Variants in SYNPR observed in about 807,000 individuals in gnomAD.
SYNPR encodes the protein synaptoporin.
In SYNPR, 23 loss-of-function variants were observed where a neutral mutation model predicts 32.9. The ratio of observed to expected loss-of-function variants is 0.70; its 90% CI spans 0.50 to 0.99. The LOEUF (loss-of-function observed/expected upper bound fraction) is 0.99, where lower values mean the gene tolerates loss of function less well. SYNPR is among the 50% of genes least tolerant of loss of function. The probability of loss-of-function intolerance (pLI) is 0.00; values close to 1 mark genes in which losing one functional copy is unlikely to be tolerated. For synonymous variants in SYNPR, 146 were observed against 135.9 expected (o/e 1.07, Z -0.52); for missense variants, 318 against 349.3 (o/e 0.91, Z 0.71).
rs570025090 is a variant in SYNPR, at chr3:63,576,488, G to A, written c.408+19747G>A. 1.4e-4 allele frequency among the ~76,000 whole-genome samples: 22 copies of A among 151,962 alleles called. 1 individual carries two copies. Among genetic ancestry groups the A allele is most frequent in the Non-Finnish European group, 2.6e-4 (18 of 67,994 alleles). On this transcript the variant is annotated intron_variant, in intron 4 of 5. Transcript: ENST00000478300. ...GTCAAGCCAGTCCACAGTTTTCCAT[G>A]CATAGAAAACACGTTATCTGGGGCT... is the stretch of plus-strand genomic sequence containing the variant.
intron 2 of SYNPR, among the ~76,000 whole-genome samples, chr3:63,339,882 C>T (rs2087341810): frequency 6.6e-6 from 1 of 152,130 alleles, no homozygotes; most frequent in Non-Finnish European, 1.5e-5. Context: ...GTCTCGAACT[C>T]CTGACCTCAG....
chr3:63,327,331 A>G (rs1297104414), intron 2 of SYNPR, among the ~76,000 whole-genome samples: 1 of 152,138 alleles, frequency 6.6e-6, no homozygotes, highest in Non-Finnish European at 1.5e-5. Context: ...AGTACCTACT[A>G]AAGTGGGTAT....
chr3:63,336,814 C>T (rs112753820), intron 2 of SYNPR, among the ~76,000 whole-genome samples: 114 of 152,098 alleles, frequency 7.5e-4, no homozygotes, highest in African/African-American at 2.4e-3. Context: ...GAAAGACAAG[C>T]CACAGATTGC....
chr3:63,333,823 T>C (rs1247422849), intron 2 of SYNPR, among the ~76,000 whole-genome samples: 1 of 152,258 alleles, frequency 6.6e-6, no homozygotes, highest in Non-Finnish European at 1.5e-5. Flanking sequence ...TTCCATCTAA[T>C]TTATTTTTTA....
chr3:63,387,775 G>T (rs996436376), intron 2 of SYNPR, among the ~76,000 whole-genome samples: 20 of 152,188 alleles, frequency 1.3e-4, no homozygotes, highest in Admixed American at 6.5e-5. Flanking sequence ...TTTGGAATTT[G>T]AGATAAGAGG....
intron 4 of SYNPR, among the ~76,000 whole-genome samples, chr3:63,572,712 G>T (rs1244692268): frequency 1.3e-5 from 2 of 152,128 alleles, no homozygotes; most frequent in African/African-American, 4.8e-5. Flanking sequence ...AATTAGAAAG[G>T]TTCTATTAAA....
chr3:63,508,728 G>C (rs1477000205), intron 3 of SYNPR, among the ~76,000 whole-genome samples: 2 of 152,018 alleles, frequency 1.3e-5, no homozygotes, highest in Non-Finnish European at 2.9e-5. Flanking sequence ...ATTCTGATTG[G>C]TCCAACCTGA....
At chr3:63,392,640 G>C (rs960838098) in intron 2 of SYNPR, among the ~76,000 whole-genome samples, 1 of 152,186 alleles carries the variant, frequency 6.6e-6, no homozygotes, top group African/African-American at 2.4e-5. Context: ...TTATACTCCA[G>C]ATGCCTGGTG....
intron 2 of SYNPR, among the ~76,000 whole-genome samples, chr3:63,323,298 A>G (rs1323457073): frequency 6.6e-6 from 1 of 152,028 alleles, no homozygotes; most frequent in Non-Finnish European, 1.5e-5. Context: ...CCACTTTCCA[A>G]TGGAAAGCCA....
At chr3:63,411,779 TG>T (rs1253746384) in intron 2 of SYNPR, among the ~76,000 whole-genome samples, 1 of 152,120 alleles carries the variant, frequency 6.6e-6, no homozygotes, top group Non-Finnish European at 1.5e-5. Context: ...TTGGTGGTAC[TG>T]GGGAGTCAGG....
At chr3:63,607,675 A>G (rs569942718) in intron 4 of SYNPR, among the ~76,000 whole-genome samples, 5 of 152,344 alleles carry the variant, frequency 3.3e-5, no homozygotes, top group African/African-American at 9.6e-5. Context: ...ACATGAAAAA[A>G]GGTAAACTGG....
chr3:63,582,959 G>A (rs1703118177), intron 4 of SYNPR, among the ~76,000 whole-genome samples: 1 of 151,978 alleles, frequency 6.6e-6, no homozygotes. Flanking sequence ...CTTTGTGTGA[G>A]CAACAAGGCT....
intron 3 of SYNPR, among the ~76,000 whole-genome samples, chr3:63,533,395 G>T (rs1468704333): frequency 1.3e-5 from 2 of 152,118 alleles, no homozygotes; most frequent in Non-Finnish European, 2.9e-5. Flanking sequence ...AGCCTTTTGG[G>T]AGATTAAAGA....
chr3:63,511,644 G>A (rs1294611352), intron 3 of SYNPR, among the ~76,000 whole-genome samples: 1 of 152,116 alleles, frequency 6.6e-6, no homozygotes, highest in Non-Finnish European at 1.5e-5. Context: ...GTCTCTCTGA[G>A]CATGGGCCTT....
At chr3:63,499,987 G>A (rs908016204) in intron 3 of SYNPR, among the ~76,000 whole-genome samples, 4 of 152,096 alleles carry the variant, frequency 2.6e-5, no homozygotes, top group African/African-American at 9.7e-5. Flanking sequence ...TTGCCATTGG[G>A]ATTAAATTTT....
chr3:63,309,174 C>A (rs1411055473), intron 2 of SYNPR, among the ~76,000 whole-genome samples: 1 of 151,974 alleles, frequency 6.6e-6, no homozygotes, highest in African/African-American at 2.4e-5. Flanking sequence ...ACAGTTTTTA[C>A]CCCTAGAAGT....
intron 1 of SYNPR, among the ~76,000 whole-genome samples, chr3:63,238,641 T>G (rs1269842005): frequency 6.6e-6 from 1 of 152,186 alleles, no homozygotes; most frequent in East Asian, 1.9e-4. Flanking sequence ...GCTACTAAAT[T>G]AATTCTGTGA....
intron 2 of SYNPR, among the ~76,000 whole-genome samples, chr3:63,320,058 T>A (rs1020237555): frequency 2.0e-5 from 3 of 152,006 alleles, no homozygotes; most frequent in African/African-American, 7.2e-5. Flanking sequence ...CAAGCAGTTC[T>A]CCTGCCTCAG....
chr3:63,609,193 G>A lies in SYNPR; in HGVS notation c.477G>A (p.Leu159=), dbSNP rs778332984. ...GTTCATCAGCTTGGGCAAAAGGACT[G>A]TCTGACGTCAAAGTTGCAACGGATC... is the stretch of plus-strand genomic sequence containing the variant. The part of the protein sequence containing the change: ...LVGSSAWAKG[L]SDVKVATDPK... The change falls in exon 5 of 6, where the codon CTG becomes CTA. Residue 159 remains leucine (L), a synonymous_variant. Transcript: ENST00000478300. The A allele has an allele frequency of 1.2e-6, 2 of 1,611,260 alleles. No individual in the cohort carries two copies. Among genetic ancestry groups the A allele is most frequent in the South Asian group, 1.1e-5 (1 of 90,240 alleles).
Sources: gnomAD v4.1 joint callset for allele counts (sites outside exome capture counted in the v4.1 genomes callset) on GRCh38, gnomAD v4.1.1 for gene constraint, MANE v1.5 for transcripts, NCBI Gene and HGNC (gene_info 2026-07-23, HGNC 2026-07-21) for gene names.